TMEM117: variants seen among roughly 807,000 people sequenced by gnomAD.
The protein encoded by TMEM117 is transmembrane protein 117.
TMEM117 carries 27 observed loss-of-function variants against 52.4 expected under a neutral mutation model. That is an observed-to-expected ratio of 0.51 (90% CI 0.38 to 0.71). TMEM117 has a LOEUF of 0.71. Among genes scored for constraint, TMEM117 ranks in the 30% least tolerant of loss-of-function variants. The probability of loss-of-function intolerance (pLI) is 0.00; values close to 1 mark genes in which losing one functional copy is unlikely to be tolerated. For synonymous variants in TMEM117, 215 were observed against 206.3 expected (o/e 1.04, Z -0.36); for missense variants, 556 against 630.5 (o/e 0.88, Z 1.26).
chr12:44,079,992 T>A, intron 3 of TMEM117, among the ~76,000 whole-genome samples: 1 of 126,620 alleles, frequency 7.9e-6, no homozygotes, highest in Non-Finnish European at 1.6e-5. Flanking sequence ...CATTCCAGCC[T>A]GGGCGACAGA....
At chr12:44,093,411 T>C (rs568271189) in intron 3 of TMEM117, among the ~76,000 whole-genome samples, 1 of 152,322 alleles carries the variant, frequency 6.6e-6, no homozygotes, top group Non-Finnish European at 1.5e-5. Flanking sequence ...CTGTTTTGCG[T>C]ATATAATTTC....
intron 3 of TMEM117, among the ~76,000 whole-genome samples, chr12:43,971,988 G>C (rs1048462697): frequency 5.9e-5 from 9 of 152,160 alleles, no homozygotes; most frequent in African/African-American, 2.2e-4. Flanking sequence ...CCTCATATAA[G>C]TGGAATCAAG....
intron 6 of TMEM117, among the ~76,000 whole-genome samples, chr12:44,341,815 A>G (rs1951421501): frequency 6.6e-6 from 1 of 152,156 alleles, no homozygotes; most frequent in Admixed American, 6.5e-5. Context: ...GAGTCAGTAA[A>G]CATATTAGCC....
intron 2 of TMEM117, among the ~76,000 whole-genome samples, chr12:43,926,044 G>A (rs1442699064): frequency 6.6e-6 from 1 of 152,138 alleles, no homozygotes; most frequent in Non-Finnish European, 1.5e-5. Flanking sequence ...AATGTTTGAG[G>A]TTAATCTGTA....
At chr12:44,358,084 A>T (rs1412994328) in intron 6 of TMEM117, among the ~76,000 whole-genome samples, 1 of 152,150 alleles carries the variant, frequency 6.6e-6, no homozygotes, top group Non-Finnish European at 1.5e-5. Context: ...GAAACCAAAT[A>T]CCACATGTTG....
intron 3 of TMEM117, among the ~76,000 whole-genome samples, chr12:44,129,181 G>A (rs1044954483): frequency 5.9e-5 from 9 of 152,166 alleles, no homozygotes; most frequent in Non-Finnish European, 1.2e-4. Context: ...ACCCCAGAAT[G>A]GTGAGTTCAG....
chr12:44,142,348 GA>G (rs1948582441), intron 3 of TMEM117, among the ~76,000 whole-genome samples: 1 of 152,158 alleles, frequency 6.6e-6, no homozygotes, highest in Non-Finnish European at 1.5e-5. Context: ...CAAGGTAGGT[GA>G]ATGAAGTCTG....
At chr12:43,906,851 A>C (rs1675265575) in intron 2 of TMEM117, among the ~76,000 whole-genome samples, 1 of 152,232 alleles carries the variant, frequency 6.6e-6, no homozygotes, top group Admixed American at 6.5e-5. Context: ...TCCTACCCCC[A>C]CGGAGTCTCG....
intron 5 of TMEM117, among the ~76,000 whole-genome samples, chr12:44,295,121 C>A (rs1167667739): frequency 6.6e-6 from 1 of 152,120 alleles, no homozygotes; most frequent in Non-Finnish European, 1.5e-5. Flanking sequence ...TTTCTCTCTT[C>A]TCCTGTGACT....
At position 43,944,352 on chromosome 12, in the gene TMEM117, C is replaced by A; in HGVS notation, c.410+10C>A. 6.9e-6 allele frequency: 11 copies of A among 1,604,940 alleles called. No homozygotes were observed. The highest frequency in any genetic ancestry group is 9.4e-6 in the Non-Finnish European group (11 of 1,175,494). Reference sequence around the variant, plus strand: ...TGGATGGGAACATGGGGTAGGTTTTCTTTCCCCTTTCTACTGTGGTGAGTG... The same window carrying A: ...TGGATGGGAACATGGGGTAGGTTTTATTTCCCCTTTCTACTGTGGTGAGTG... On this transcript the variant is annotated intron_variant, in intron 3 of 7. Coordinates refer to ENST00000266534, the MANE Select transcript of TMEM117 (RefSeq NM_032256.3).
intron 2 of TMEM117, among the ~76,000 whole-genome samples, chr12:43,915,391 G>A (rs1944584053): frequency 6.6e-6 from 1 of 152,208 alleles, no homozygotes; most frequent in African/African-American, 2.4e-5. Context: ...ATCAGTCATA[G>A]TTCTTCTTGC....
intron 2 of TMEM117, among the ~76,000 whole-genome samples, chr12:43,868,577 CA>C (rs796136803): frequency 7.4e-5 from 9 of 122,120 alleles, no homozygotes; most frequent in African/African-American, 1.5e-4. Context: ...CCCCACCCTC[CA>C]AAAAAAAAAA....
chr12:43,970,297 A>AT (rs71091191), intron 3 of TMEM117, among the ~76,000 whole-genome samples: 126,003 of 150,210 alleles, frequency 0.84, 53,123 homozygotes, highest in East Asian at 0.96. Context: ...TTTATTATTA[A>AT]TTTTTTTTTG....
At chr12:44,367,588 A>G (rs1246657008) in intron 6 of TMEM117, among the ~76,000 whole-genome samples, 1 of 151,992 alleles carries the variant, frequency 6.6e-6, no homozygotes, top group Non-Finnish European at 1.5e-5. Flanking sequence ...CCCTTTCTAA[A>G]TGATTTTATC....
intron 3 of TMEM117, among the ~76,000 whole-genome samples, chr12:43,987,043 T>C (rs956016459): frequency 6.6e-6 from 1 of 152,186 alleles, no homozygotes; most frequent in African/African-American, 2.4e-5. Context: ...TATCTCAGAA[T>C]GTGATTATAT....
chr12:44,020,112 T>G (rs989133588), intron 3 of TMEM117, among the ~76,000 whole-genome samples: 1 of 152,206 alleles, frequency 6.6e-6, no homozygotes, highest in East Asian at 1.9e-4. Context: ...CAAACCAGGA[T>G]TAAAAAATCC....
chr12:44,119,188 T>C (rs1010760668), intron 3 of TMEM117, among the ~76,000 whole-genome samples: 1 of 152,228 alleles, frequency 6.6e-6, no homozygotes, highest in African/African-American at 2.4e-5. Flanking sequence ...AAATTCTGGT[T>C]GTGTTAATCA....
intron 2 of TMEM117, among the ~76,000 whole-genome samples, chr12:43,902,917 T>A (rs1944328355): frequency 6.6e-6 from 1 of 152,078 alleles, no homozygotes. Context: ...AAAAAAATGC[T>A]GCAAGTAAAT....
chr12:43,896,789 A>G (rs1944211131), intron 2 of TMEM117, among the ~76,000 whole-genome samples: 1 of 152,186 alleles, frequency 6.6e-6, no homozygotes, highest in East Asian at 1.9e-4. Context: ...GGTGAACTCA[A>G]TTGCTGACCC....
Sources: allele counts gnomAD v4.1 joint callset (sites outside exome capture counted in the v4.1 genomes callset), GRCh38; gene constraint gnomAD v4.1.1; transcripts MANE v1.5; gene names NCBI Gene and HGNC (gene_info 2026-07-23, HGNC 2026-07-21).